Variants in COL14A1 observed in about 807,000 individuals in gnomAD.
COL14A1 encodes collagen type XIV alpha 1 chain, also known as collagen alpha-1(XIV) chain.
In COL14A1, 136 loss-of-function variants were observed where a neutral mutation model predicts 230.3. The observed-to-expected ratio is 0.59, with a 90% CI of 0.51 to 0.68. The LOEUF (loss-of-function observed/expected upper bound fraction) is 0.68. Among genes scored for constraint, COL14A1 ranks in the 30% least tolerant of loss-of-function variants. The pLI is 0.00. For missense variants in COL14A1, 1,976 were observed against 2,215.8 expected, an observed-to-expected ratio of 0.89 and a Z score of 2.17; for synonymous variants, 792 against 784.1, an observed-to-expected ratio of 1.01 and a Z score of -0.17.
At chr8:120,183,758 TC>T (rs1259582618) in intron 5 of COL14A1, among the ~76,000 whole-genome samples, 5 of 152,212 alleles carry the variant, frequency 3.3e-5, no homozygotes, top group African/African-American at 1.2e-4. Context: ...ATGTTATTCA[TC>T]CCAGGTCGAA....
intron 30 of COL14A1, 50 bp from the exon 31 acceptor site, chr8:120,280,871 G>A: frequency 6.8e-7 from 1 of 1,472,544 alleles, no homozygotes; most frequent in Non-Finnish European, 9.1e-7. Context: ...AAATTCTAAA[G>A]TGCCATATTC....
chr8:120,365,695 C>A (rs1823386017), intron 45 of COL14A1, among the ~76,000 whole-genome samples: 1 of 152,146 alleles, frequency 6.6e-6, no homozygotes, highest in South Asian at 2.1e-4. Flanking sequence ...TTTGAGAAAT[C>A]ATTGTTTTCC....
chr8:120,231,639 C>A, intron 19 of COL14A1, 21 bp downstream of exon 19: 3 of 1,608,326 alleles, frequency 1.9e-6, no homozygotes, highest in East Asian at 2.2e-5. Flanking sequence ...ATTCAACTGA[C>A]TAGAAACTCT....
intron 36 of COL14A1, among the ~76,000 whole-genome samples, chr8:120,302,984 T>A: frequency 6.6e-6 from 1 of 152,188 alleles, no homozygotes; most frequent in East Asian, 1.9e-4. Context: ...CTAGGTATTT[T>A]ATGCTTTTTG....
At chr8:120,260,269 A>T (rs544992002) in intron 23 of COL14A1, among the ~76,000 whole-genome samples, 1 of 152,134 alleles carries the variant, frequency 6.6e-6, no homozygotes, top group Non-Finnish European at 1.5e-5. Context: ...TATCATGTTT[A>T]TTCTGATATA....
intron 19 of COL14A1, among the ~76,000 whole-genome samples, chr8:120,240,366 T>C (rs998372518): frequency 6.6e-6 from 1 of 152,152 alleles, no homozygotes; most frequent in African/African-American, 2.4e-5. Flanking sequence ...TATGAAGTGT[T>C]ACTGTGATAC....
At position 120,340,107 on chromosome 8, in the gene COL14A1, TGA is replaced by T. The variant is rs1262470342; in HGVS notation, c.4786-1216_4786-1215del. 1.3e-3 allele frequency among the ~76,000 whole-genome samples: 138 copies of T among 103,336 alleles called. 1 individual carries two copies. The highest frequency in any genetic ancestry group is 8.9e-3 in the South Asian group (27 of 3,034). 67.8% of individuals were successfully genotyped at this position (103,336 alleles called of 152,430 possible). Reference sequence around the variant, plus strand: ...TATGTGGTGTATGTTTGTGAGTGAGTGAGTGTGTGTGTGTGTGTGTGTGTGTG... The same window carrying T: ...TATGTGGTGTATGTTTGTGAGTGAGTGTGTGTGTGTGTGTGTGTGTGTGTG... On this transcript the variant is annotated intron_variant, in intron 42 of 47. Transcript: ENST00000297848.
intron 4 of COL14A1, among the ~76,000 whole-genome samples, chr8:120,167,819 A>G (rs1815959327): frequency 6.6e-6 from 1 of 152,202 alleles, no homozygotes; most frequent in Non-Finnish European, 1.5e-5. Context: ...AACTGGTTTT[A>G]TGAGATAGGT....
intron 36 of COL14A1, among the ~76,000 whole-genome samples, chr8:120,304,573 A>G (rs1820804931): frequency 6.6e-6 from 1 of 152,188 alleles, no homozygotes; most frequent in African/African-American, 2.4e-5. Context: ...TACGTGAATC[A>G]TTGTGAATGA....
chr8:120,226,748 T>TG lies in COL14A1; in HGVS notation c.1992dup (p.Lys665GlufsTer3). The TG allele has an allele frequency of 1.2e-6, 2 of 1,613,662 alleles. No individual in the cohort carries two copies. Among genetic ancestry groups the TG allele is most frequent in the South Asian group, 2.2e-5 (2 of 91,008 alleles). On this transcript the variant is annotated frameshift_variant, in exon 16 of 48. Transcript: ENST00000297848. LOFTEE classifies it high-confidence loss of function. Reference sequence around the variant, plus strand: ...ACAAATTGATGTGGATTCCAGTCTATGGGGGGAAGACTGAGGAGGTGAGTT... The same window carrying TG: ...ACAAATTGATGTGGATTCCAGTCTATGGGGGGGAAGACTGAGGAGGTGAGTT...
At chr8:120,133,312 A>G (rs974413768) in intron 1 of COL14A1, among the ~76,000 whole-genome samples, 2 of 152,062 alleles carry the variant, frequency 1.3e-5, no homozygotes, top group African/African-American at 4.8e-5. Flanking sequence ...AACTGGAAAA[A>G]ATAATACTGA....
chr8:120,270,210 T>A (rs1183364138), intron 26 of COL14A1, 36 bp downstream of exon 26: 2 of 1,577,106 alleles, frequency 1.3e-6, no homozygotes, highest in African/African-American at 1.4e-5. Flanking sequence ...TTCTATGTAT[T>A]TAGAAATTAT....
In COL14A1 at chr8:120,263,634, G is replaced by A. The variant is rs75617822; in HGVS notation, c.3016+620G>A. On this transcript the variant is annotated intron_variant, in intron 24 of 47. Coordinates refer to ENST00000297848, the MANE Select transcript of COL14A1 (RefSeq NM_021110.4). ...GGCTCCACAAACATTAAAATGGTTT[G>A]AAATGCAGTGAATTCTGGGGGACAT... Among the ~76,000 whole-genome samples the A allele has an allele frequency of 1.5e-4, 23 of 152,298 alleles. No homozygotes were observed. In the East Asian group the frequency reaches 3.9e-3, roughly 26 times the overall value.
In COL14A1 at chr8:120,270,029, C is replaced by A. The variant is rs768394539; in HGVS notation, c.3074-6C>A. 12 of 1,610,056 alleles carry A rather than the reference C, an allele frequency of 7.5e-6. No individual in the cohort carries two copies. In the African/African-American group the frequency reaches 1.6e-4, roughly 22 times the overall value. On this transcript the variant is annotated splice_polypyrimidine_tract_variant and splice_region_variant and intron_variant, in intron 25 of 47. Transcript: ENST00000297848. ...CTCTGACTCAAAATTCATTGTTGGT[C>A]TTCAGTATGTAAGGCGGCCAAGGCT...
chr8:120,212,746 T>A (rs1817649606), intron 13 of COL14A1, among the ~76,000 whole-genome samples, 169 bp downstream of exon 13: 1 of 152,212 alleles, frequency 6.6e-6, no homozygotes, highest in African/African-American at 2.4e-5. Flanking sequence ...TATATTATAT[T>A]ATTATGAGTG....
chr8:120,305,773 C>G (rs1167216383), intron 36 of COL14A1, among the ~76,000 whole-genome samples: 2 of 151,846 alleles, frequency 1.3e-5, no homozygotes, highest in African/African-American at 4.8e-5. Flanking sequence ...TTAATTTTTG[C>G]TTTTTTTGTA....
At chr8:120,345,636 T>TACAAGGATACAAGA in intron 45 of COL14A1, 73 bp downstream of exon 45, 1 of 1,242,550 alleles carries the variant, frequency 8.0e-7, no homozygotes, top group East Asian at 3.0e-5. Context: ...ATAGTGGTTC[T>TACAAGGATACAAGA]TATACAAGGA....
intron 45 of COL14A1, among the ~76,000 whole-genome samples, chr8:120,359,882 C>G (rs1823129227): frequency 6.6e-6 from 1 of 152,138 alleles, no homozygotes; most frequent in Admixed American, 6.5e-5. Flanking sequence ...CTCTCTCTCT[C>G]TCCGCCCTTC....
intron 45 of COL14A1, 30 bp downstream of exon 45, chr8:120,345,593 T>C: frequency 6.7e-7 from 1 of 1,484,886 alleles, no homozygotes; most frequent in Non-Finnish European, 8.9e-7. Context: ...TCAGAGGAAC[T>C]CCTCTGAGTT....
Sources: allele counts gnomAD v4.1 joint callset (sites outside exome capture counted in the v4.1 genomes callset), GRCh38; gene constraint gnomAD v4.1.1; transcripts MANE v1.5; gene names NCBI Gene and HGNC (gene_info 2026-07-23, HGNC 2026-07-21).